DOCK4: variants seen among roughly 807,000 people sequenced by gnomAD.
DOCK4 encodes dedicator of cytokinesis protein 4.
A neutral mutation model predicts 268.1 loss-of-function variants in DOCK4; 97 were observed. The ratio of observed to expected loss-of-function variants is 0.36; its 90% confidence interval spans 0.31 to 0.43. The LOEUF is 0.43. Ranked by LOEUF, DOCK4 falls within the 20% of genes least tolerant of loss-of-function variation. The pLI is 1.00. For synonymous variants in DOCK4, 954 were observed against 887.2 expected (o/e 1.08, Z -1.34); for missense variants, 2,145 against 2,455.7 (o/e 0.87, Z 2.67).
At chr7:111,779,494 T>G (rs1798661818) in intron 35 of DOCK4, among the ~76,000 whole-genome samples, 1 of 151,936 alleles carries the variant, frequency 6.6e-6, no homozygotes, top group Non-Finnish European at 1.5e-5. Flanking sequence ...GCCTTCCGAG[T>G]TCAAGTGATT....
chr7:111,910,556 T>C (rs1586342732), intron 13 of DOCK4, among the ~76,000 whole-genome samples: 1 of 152,244 alleles, frequency 6.6e-6, no homozygotes, highest in African/African-American at 2.4e-5. Context: ...ATATTTTGGA[T>C]GTTTTAAGTT....
chr7:111,875,188 T>C (rs1169719145), intron 17 of DOCK4, among the ~76,000 whole-genome samples: 1 of 152,230 alleles, frequency 6.6e-6, no homozygotes, highest in Admixed American at 6.5e-5. Context: ...TCTCCAAAGA[T>C]GAGCCAATCA....
Position 112,066,699 on chromosome 7 carries a change from A to AT in DOCK4, c.38-62569dup, listed in dbSNP as rs1554433348. ...TACATATATACATATACATATATAT[A>AT]TATATATATATATATATATATATAT... On this transcript the variant is annotated intron_variant, in intron 1 of 52. Transcript: ENST00000428084. Among the ~76,000 whole-genome samples the AT allele has an allele frequency of 3.1e-3, 101 of 32,800 alleles. 5 individuals are homozygous for AT. Among genetic ancestry groups the AT allele is most frequent in the African/African-American group, 9.5e-3 (95 of 10,028 alleles). The allele number at this position is 32,800 out of a possible 152,430, so 21.5% of individuals were successfully genotyped here.
chr7:112,110,010 C>G (rs921350671), intron 1 of DOCK4, among the ~76,000 whole-genome samples: 7 of 152,014 alleles, frequency 4.6e-5, no homozygotes, highest in Admixed American at 2.0e-4. Context: ...TCCCAAAGTG[C>G]TGGGATTACA....
rs192994631 is a variant in DOCK4 at position 111,884,545 on chromosome 7, T to C, written c.1588-7359A>G. Among the ~76,000 whole-genome samples the C allele has an allele frequency of 3.3e-4, 51 of 152,340 alleles. No individual in the cohort carries two copies. In the Middle Eastern group the frequency reaches 0.01, roughly 30 times the overall value. On this transcript the variant is annotated intron_variant, in intron 16 of 52. Coordinates refer to ENST00000428084, the MANE Select transcript of DOCK4 (RefSeq NM_001363540.2). The stretch of plus-strand genomic sequence containing the variant: ...ATCGCTAGGAAAGACCAAAAATGGT[T>C]AGCTTTTCAAAAGAAAGGTATCTTT...
At position 112,109,319 on chromosome 7, in the gene DOCK4, T is replaced by G. The variant is rs1586839093; in HGVS notation, c.37+96783A>C. Among the ~76,000 whole-genome samples, 3 of 152,162 alleles carry G rather than the reference T, an allele frequency of 2.0e-5. No homozygotes were observed. In the East Asian group the frequency reaches 5.8e-4, roughly 29 times the overall value. ...AGTACCACCCAAGACAAGTGCTAACTACACTTCTCCCTCTAGTTAGGTTTC... is the reference window on the plus strand; with the variant it reads ...AGTACCACCCAAGACAAGTGCTAACGACACTTCTCCCTCTAGTTAGGTTTC... On this transcript the variant is annotated intron_variant, in intron 1 of 52. Transcript: ENST00000428084.
intron 1 of DOCK4, among the ~76,000 whole-genome samples, chr7:112,115,763 C>T (rs1443613017): frequency 6.6e-6 from 1 of 152,014 alleles, no homozygotes; most frequent in Non-Finnish European, 1.5e-5. Flanking sequence ...GTCACTGCAG[C>T]CTCTAACTCC....
At chr7:111,845,874 T>C (rs1804055930) in intron 24 of DOCK4, among the ~76,000 whole-genome samples, 1 of 152,204 alleles carries the variant, frequency 6.6e-6, no homozygotes, top group East Asian at 1.9e-4. Context: ...AAAACGATTC[T>C]AACTAGGCAT....
chr7:112,114,427 T>A (rs1811940895), intron 1 of DOCK4, among the ~76,000 whole-genome samples: 1 of 152,252 alleles, frequency 6.6e-6, no homozygotes, highest in South Asian at 2.1e-4. Flanking sequence ...GTCAACTGTT[T>A]ACCTTGAAGT....
intron 26 of DOCK4, among the ~76,000 whole-genome samples, chr7:111,825,526 A>G (rs1490082462): frequency 2.0e-5 from 3 of 152,124 alleles, no homozygotes; most frequent in Non-Finnish European, 4.4e-5. Flanking sequence ...GATTCTTTTT[A>G]TAATTTGAAA....
intron 1 of DOCK4, among the ~76,000 whole-genome samples, chr7:112,100,036 G>A (rs908927549): frequency 1.3e-5 from 2 of 151,958 alleles, no homozygotes; most frequent in African/African-American, 4.8e-5. Context: ...TTTATTTTTA[G>A]ACCCCATGAA....
At chr7:112,063,099 C>A (rs569210945) in intron 1 of DOCK4, among the ~76,000 whole-genome samples, 3 of 152,240 alleles carry the variant, frequency 2.0e-5, no homozygotes, top group Middle Eastern at 3.4e-3. Context: ...CTGAAAGATA[C>A]AAAGCACACA....
chr7:112,185,158 G>A (rs1003732798), intron 1 of DOCK4, among the ~76,000 whole-genome samples: 1 of 152,156 alleles, frequency 6.6e-6, no homozygotes, highest in African/African-American at 2.4e-5. Flanking sequence ...TGGCAGTGTG[G>A]GGGCCACAGC....
At chr7:111,789,602 T>G (rs181291278) in intron 31 of DOCK4, among the ~76,000 whole-genome samples, 193 of 152,380 alleles carry the variant, frequency 1.3e-3, no homozygotes, top group African/African-American at 4.5e-3. Context: ...AATTTTTAAA[T>G]AGTCTTTCAT....
intron 1 of DOCK4, among the ~76,000 whole-genome samples, chr7:112,058,024 ATTTTTTTTTT>A (rs67991598): frequency 1.8e-4 from 21 of 115,052 alleles, no homozygotes; most frequent in Admixed American, 7.8e-4. Context: ...TACAGGTTCA[ATTTTTTTTTT>A]TTTTTTTTTT....
At chr7:112,174,503 C>T (rs117366319) in intron 1 of DOCK4, among the ~76,000 whole-genome samples, 1,629 of 152,040 alleles carry the variant, frequency 0.011, 17 homozygotes, top group Middle Eastern at 0.031. Context: ...ATCATCACAT[C>T]GTAACTACAC....
At chr7:111,993,974 GAC>G (rs1799729752) in intron 5 of DOCK4, among the ~76,000 whole-genome samples, 159 bp downstream of exon 5, 1 of 152,130 alleles carries the variant, frequency 6.6e-6, no homozygotes, top group Non-Finnish European at 1.5e-5. Context: ...ATGCTCAGTG[GAC>G]ACAGAGATTG....
intron 1 of DOCK4, among the ~76,000 whole-genome samples, chr7:112,058,024 ATTT>A (rs67991598): frequency 9.6e-4 from 110 of 115,042 alleles, no homozygotes; most frequent in African/African-American, 2.9e-3. Flanking sequence ...TACAGGTTCA[ATTT>A]TTTTTTTTTT....
intron 1 of DOCK4, among the ~76,000 whole-genome samples, chr7:112,035,937 C>T (rs1266610224): frequency 2.0e-5 from 3 of 151,944 alleles, no homozygotes; most frequent in Non-Finnish European, 4.4e-5. Context: ...AAAAATTGTT[C>T]TTTGATCTGG....
Sources: gnomAD v4.1 joint callset for allele counts (sites outside exome capture counted in the v4.1 genomes callset) on GRCh38, gnomAD v4.1.1 for gene constraint, MANE v1.5 for transcripts, NCBI Gene and HGNC (gene_info 2026-07-23, HGNC 2026-07-21) for gene names.